The following RBFOX1 variants were observed in gnomAD, a reference collection of about 807,000 sequenced individuals.
The protein encoded by RBFOX1 is RNA binding fox-1 homolog 1, also known as RNA binding protein fox-1 homolog 1.
Under a neutral mutation model 57.7 loss-of-function variants are expected in RBFOX1, and 8 were observed. The observed-to-expected ratio is 0.14, with a 90% confidence interval of 0.08 to 0.25. The LOEUF (loss-of-function observed/expected upper bound fraction) is 0.25, where lower values mean the gene tolerates loss of function less well. Ranked by LOEUF, RBFOX1 falls within the 10% of genes least tolerant of loss-of-function variation. RBFOX1 has a pLI of 1.00. For synonymous variants in RBFOX1, 326 were observed against 222.4 expected (o/e 1.47, Z -4.15); for missense variants, 611 against 548.5 (o/e 1.11, Z -1.14).
intron 2 of RBFOX1, among the ~76,000 whole-genome samples, chr16:5,575,972 G>A (rs1484708970): frequency 1.3e-5 from 2 of 149,956 alleles, no homozygotes. Context: ...AGAGAGATTT[G>A]CAGAAATTTT....
intron 3 of RBFOX1, among the ~76,000 whole-genome samples, chr16:6,826,748 T>A (rs1159452989): frequency 6.6e-6 from 1 of 152,314 alleles, no homozygotes; most frequent in South Asian, 2.1e-4. Context: ...TTAATAATTA[T>A]CATATTGACT....
At chr16:6,449,477 C>T (rs1013985859) in intron 2 of RBFOX1, among the ~76,000 whole-genome samples, 3 of 152,162 alleles carry the variant, frequency 2.0e-5, no homozygotes, top group Non-Finnish European at 2.9e-5. Flanking sequence ...CGTTTGTTTT[C>T]TGTTGATGGA....
intron 3 of RBFOX1, among the ~76,000 whole-genome samples, chr16:6,900,427 T>G (rs1239374556): frequency 6.6e-6 from 1 of 152,206 alleles, no homozygotes; most frequent in African/African-American, 2.4e-5. Context: ...ATGCTACCAC[T>G]ATCTGCTCTC....
intron 3 of RBFOX1, among the ~76,000 whole-genome samples, chr16:5,861,610 C>T (rs988616229): frequency 6.6e-6 from 1 of 152,164 alleles, no homozygotes; most frequent in Non-Finnish European, 1.5e-5. Flanking sequence ...GCTTAGATAT[C>T]CTTGACGAAC....
intron 5 of RBFOX1, among the ~76,000 whole-genome samples, chr16:7,565,607 A>G (rs2091486565): frequency 6.6e-6 from 1 of 152,184 alleles, no homozygotes; most frequent in South Asian, 2.1e-4. Flanking sequence ...AGTGTTCGTT[A>G]CACAAATCAA....
intron 2 of RBFOX1, among the ~76,000 whole-genome samples, chr16:6,364,213 T>C (rs145055309): frequency 6.6e-6 from 1 of 152,342 alleles, no homozygotes; most frequent in East Asian, 1.9e-4. Flanking sequence ...TCGAAGATGC[T>C]GGCAGAATTC....
rs77414714 is a variant in RBFOX1, at chr16:7,121,343, G to T, written c.27+69245G>T. The stretch of plus-strand genomic sequence containing the variant: ...AGGGCATCTTTAATCACAGATAATA[G>T]AATTGTCTATTTATAAAATCCCAAG... On this transcript the variant is annotated intron_variant, in intron 4 of 15. Transcript: ENST00000550418. Among the ~76,000 whole-genome samples the T allele has an allele frequency of 6.7e-3, 1,023 of 152,092 alleles. 5 individuals are homozygous for T. Among genetic ancestry groups the T allele is most frequent in the African/African-American group, 0.023 (975 of 41,522 alleles).
At chr16:5,643,148 T>C (rs989494414) in intron 3 of RBFOX1, among the ~76,000 whole-genome samples, 3 of 152,234 alleles carry the variant, frequency 2.0e-5, no homozygotes, top group South Asian at 2.1e-4. Context: ...AGCATTATGG[T>C]TGCCACGGTA....
At chr16:5,869,017 A>G (rs2057405200) in intron 4 of RBFOX1, among the ~76,000 whole-genome samples, 1 of 152,240 alleles carries the variant, frequency 6.6e-6, no homozygotes, top group African/African-American at 2.4e-5. Context: ...CCTATTTCAC[A>G]GAAGAGTGAA....
intron 3 of RBFOX1, among the ~76,000 whole-genome samples, chr16:6,726,190 A>G (rs1306987909): frequency 1.3e-5 from 2 of 152,096 alleles, no homozygotes; most frequent in Non-Finnish European, 2.9e-5. Flanking sequence ...ATGCATAGCA[A>G]GATCTCACCC....
chr16:7,561,687 T>A (rs1031424740), intron 5 of RBFOX1, among the ~76,000 whole-genome samples: 2 of 152,178 alleles, frequency 1.3e-5, no homozygotes, highest in African/African-American at 4.8e-5. Context: ...GTTTGAAGCA[T>A]TTATATTAAT....
chr16:5,466,115 G>A (rs8048054), intron 1 of RBFOX1, among the ~76,000 whole-genome samples: 10,689 of 152,272 alleles, frequency 0.07, 1,092 homozygotes, highest in African/African-American at 0.22. Flanking sequence ...ACTTTAGGTG[G>A]GAAATCGTCT....
chr16:5,423,186 A>G (rs910834262), intron 1 of RBFOX1, among the ~76,000 whole-genome samples: 12 of 152,022 alleles, frequency 7.9e-5, no homozygotes, highest in African/African-American at 1.9e-4. Context: ...ACAGTAGTAA[A>G]TAGAGTCCCA....
chr16:7,602,633 G>C (rs765724821), intron 9 of RBFOX1, among the ~76,000 whole-genome samples: 8 of 152,158 alleles, frequency 5.3e-5, no homozygotes, highest in Non-Finnish European at 8.8e-5. Flanking sequence ...CAGGGAATGT[G>C]GGTTCATTTG....
intron 3 of RBFOX1, among the ~76,000 whole-genome samples, chr16:5,625,718 C>G (rs2048330886): frequency 6.6e-6 from 1 of 150,808 alleles, no homozygotes; most frequent in South Asian, 2.1e-4. Flanking sequence ...CCACCATGCT[C>G]AGCAAATTTT....
At chr16:7,702,584 G>A (rs1314093456) in intron 14 of RBFOX1, among the ~76,000 whole-genome samples, 1 of 152,234 alleles carries the variant, frequency 6.6e-6, no homozygotes, top group Non-Finnish European at 1.5e-5. Context: ...AAGTAAAGCA[G>A]TAGCTGGGGC....
At chr16:6,341,412 G>A (rs1248708952) in intron 2 of RBFOX1, among the ~76,000 whole-genome samples, 1 of 151,988 alleles carries the variant, frequency 6.6e-6, no homozygotes, top group Non-Finnish European at 1.5e-5. Flanking sequence ...CTTCCTGGGC[G>A]GCATTCATAG....
At chr16:6,280,986 T>A (rs999397087) in intron 1 of RBFOX1, among the ~76,000 whole-genome samples, 6 of 149,210 alleles carry the variant, frequency 4.0e-5, no homozygotes, top group African/African-American at 1.5e-4. Context: ...TGTATATATA[T>A]GTGTGTGTGT....
chr16:6,400,304 T>C (rs1272837751), intron 2 of RBFOX1, among the ~76,000 whole-genome samples: 1 of 152,170 alleles, frequency 6.6e-6, no homozygotes, highest in Non-Finnish European at 1.5e-5. Flanking sequence ...AACGTACCTA[T>C]AAAAGTACCA....
Sources: gnomAD v4.1 joint callset for allele counts (sites outside exome capture counted in the v4.1 genomes callset) on GRCh38, gnomAD v4.1.1 for gene constraint, MANE v1.5 for transcripts, NCBI Gene and HGNC (gene_info 2026-07-23, HGNC 2026-07-21) for gene names.